Variants in GRIP1 observed in about 807,000 individuals in gnomAD.
GRIP1 encodes the protein glutamate receptor interacting protein 1.
A neutral mutation model predicts 129.9 loss-of-function variants in GRIP1; 45 were observed. The ratio of observed to expected loss-of-function variants is 0.35; its 90% CI spans 0.27 to 0.44. GRIP1 has a LOEUF of 0.44. Ranked by LOEUF, GRIP1 falls within the 20% of genes least tolerant of loss-of-function variation. The pLI is 1.00. For synonymous variants in GRIP1, 530 were observed against 520.8 expected (o/e 1.02, Z -0.24); for missense variants, 1,196 against 1,396.8 (o/e 0.86, Z 2.29).
At chr12:66,569,811 T>C (rs963791690) in intron 2 of GRIP1, among the ~76,000 whole-genome samples, 1 of 152,210 alleles carries the variant, frequency 6.6e-6, no homozygotes, top group African/African-American at 2.4e-5. Context: ...TTGGCAAGTT[T>C]TGATACTTGT....
chr12:67,002,108 C>T (rs2042559645), intron 1 of GRIP1, among the ~76,000 whole-genome samples: 1 of 152,128 alleles, frequency 6.6e-6, no homozygotes, highest in South Asian at 2.1e-4. Context: ...CCTGAAAGTA[C>T]TGTATATTGA....
Position 66,764,402 on chromosome 12 carries a change from A to T in GRIP1, c.-420+39651T>A, listed in dbSNP as rs1479918280. Among the ~76,000 whole-genome samples the T allele has an allele frequency of 3.3e-5, 5 of 152,212 alleles. No individual in the cohort carries two copies. The East Asian group carries it at 9.6e-4, about 29-fold the overall frequency. On this transcript the variant is annotated intron_variant, in intron 1 of 4. Coordinates refer to the GRIP1 transcript ENST00000538373. ...ACCTCAAGGCAACTGAACTGCTAGAAAACTGCTTTTTCATTTATGATGTTT... is the reference window on the plus strand; with the variant it reads ...ACCTCAAGGCAACTGAACTGCTAGATAACTGCTTTTTCATTTATGATGTTT...
At chr12:66,519,544 C>T (rs79013647) in intron 5 of GRIP1, among the ~76,000 whole-genome samples, 1,874 of 152,226 alleles carry the variant, frequency 0.012, 43 homozygotes, top group East Asian at 0.1. Context: ...TATGTAATAT[C>T]GAATGCTTGT....
chr12:66,419,260 G>GGA (rs565360555), intron 15 of GRIP1, among the ~76,000 whole-genome samples: 1 of 151,802 alleles, frequency 6.6e-6, no homozygotes, highest in Non-Finnish European at 1.5e-5. Flanking sequence ...CTGAACTCAT[G>GGA]GAGAGAGAGA....
chr12:66,935,998 T>C (rs968480990), intron 1 of GRIP1, among the ~76,000 whole-genome samples: 1 of 152,108 alleles, frequency 6.6e-6, no homozygotes, highest in African/African-American at 2.4e-5. Flanking sequence ...TAGTCTGCTT[T>C]AACACCATGT....
chr12:66,669,589 T>TACA (rs2033975280), intron 1 of GRIP1, among the ~76,000 whole-genome samples: 1 of 152,188 alleles, frequency 6.6e-6, no homozygotes, highest in Non-Finnish European at 1.5e-5. Context: ...GAAAGCATAA[T>TACA]GAAAGCCATC....
At chr12:67,066,696 C>G (rs1006739865) in intron 1 of GRIP1, among the ~76,000 whole-genome samples, 1 of 151,792 alleles carries the variant, frequency 6.6e-6, no homozygotes, top group Non-Finnish European at 1.5e-5. Flanking sequence ...GAATCCAATT[C>G]AACGTTATTT....
intron 2 of GRIP1, among the ~76,000 whole-genome samples, chr12:66,578,435 G>A (rs991646456): frequency 6.6e-6 from 1 of 152,104 alleles, no homozygotes; most frequent in African/African-American, 2.4e-5. Flanking sequence ...CACCGTGCGC[G>A]AGCCAAAGCA....
intron 1 of GRIP1, among the ~76,000 whole-genome samples, chr12:66,865,944 G>A (rs567873904): frequency 1.5e-4 from 23 of 152,082 alleles, no homozygotes; most frequent in Admixed American, 2.6e-4. Flanking sequence ...ACCTACAGAA[G>A]AAAATTGAGA....
At position 66,643,483 on chromosome 12, in the gene GRIP1, A is replaced by T. The variant is rs373646928; in HGVS notation, c.55+35367T>A. On this transcript the variant is annotated intron_variant, in intron 1 of 24. Transcript: ENST00000359742. ...AACAAGGTTATAGCATAGTGGGGATAGTACAATTCTGAAATACATATTTGC... is the reference window on the plus strand; with the variant it reads ...AACAAGGTTATAGCATAGTGGGGATTGTACAATTCTGAAATACATATTTGC... 5.3e-5 allele frequency among the ~76,000 whole-genome samples: 8 copies of T among 152,370 alleles called. No individual in the cohort carries two copies. In the South Asian group the frequency reaches 1.7e-3, roughly 32 times the overall value.
chr12:66,663,103 G>A (rs1383458481), intron 1 of GRIP1, among the ~76,000 whole-genome samples: 2 of 152,136 alleles, frequency 1.3e-5, no homozygotes, highest in Non-Finnish European at 2.9e-5. Flanking sequence ...AATGTTCTGA[G>A]ATCAATTGGA....
intron 1 of GRIP1, among the ~76,000 whole-genome samples, chr12:66,678,300 C>T (rs2034433192): frequency 6.6e-6 from 1 of 152,084 alleles, no homozygotes; most frequent in African/African-American, 2.4e-5. Flanking sequence ...TCTAGTATTA[C>T]ATAGGACCAA....
At chr12:66,523,094 G>A (rs2061081593) in intron 5 of GRIP1, among the ~76,000 whole-genome samples, 1 of 151,600 alleles carries the variant, frequency 6.6e-6, no homozygotes, top group African/African-American at 2.4e-5. Flanking sequence ...AATCAAGTGG[G>A]AAAACACTCT....
At chr12:66,674,775 A>G (rs1206961439) in intron 1 of GRIP1, among the ~76,000 whole-genome samples, 1 of 152,182 alleles carries the variant, frequency 6.6e-6, no homozygotes, top group Middle Eastern at 3.2e-3. Context: ...TGTGATCACA[A>G]CCCAGCCTTT....
intron 1 of GRIP1, among the ~76,000 whole-genome samples, chr12:66,913,128 C>A (rs1434089040): frequency 1.3e-5 from 2 of 152,192 alleles, no homozygotes; most frequent in African/African-American, 4.8e-5. Context: ...AGCTTTGGAT[C>A]TGCTTTAGTA....
At chr12:66,502,231 T>A (rs1210156597) in intron 7 of GRIP1, among the ~76,000 whole-genome samples, 1 of 152,096 alleles carries the variant, frequency 6.6e-6, no homozygotes, top group Non-Finnish European at 1.5e-5. Flanking sequence ...CAAAGATTTT[T>A]AAAAAACCCT....
chr12:66,980,570 C>T (rs542619902), intron 1 of GRIP1, among the ~76,000 whole-genome samples: 69 of 152,204 alleles, frequency 4.5e-4, no homozygotes, highest in Non-Finnish European at 8.5e-4. Flanking sequence ...AAGGTCACAC[C>T]ACTGCACTTC....
At chr12:66,998,427 A>AC (rs1555259292) in intron 1 of GRIP1, among the ~76,000 whole-genome samples, 1 of 136,024 alleles carries the variant, frequency 7.4e-6, no homozygotes, top group Non-Finnish European at 1.7e-5. Flanking sequence ...CTGATAAAAA[A>AC]AAATATATAT....
intron 23 of GRIP1, among the ~76,000 whole-genome samples, chr12:66,363,860 C>A (rs1592695328): frequency 1.3e-5 from 2 of 152,200 alleles, no homozygotes; most frequent in South Asian, 4.2e-4. Flanking sequence ...TCAATGGGTA[C>A]AAAGTTGGTT....
Sources: gnomAD v4.1 joint callset for allele counts (sites outside exome capture counted in the v4.1 genomes callset) on GRCh38, gnomAD v4.1.1 for gene constraint, MANE v1.5 for transcripts, NCBI Gene and HGNC (gene_info 2026-07-23, HGNC 2026-07-21) for gene names.